The following MAGI1 variants were observed in gnomAD, a reference collection of about 807,000 sequenced individuals.
MAGI1 encodes membrane-associated guanylate kinase, WW and PDZ domain-containing protein 1.
A neutral mutation model predicts 139.9 loss-of-function variants in MAGI1; 58 were observed. That is an observed-to-expected ratio of 0.41 (90% CI 0.34 to 0.52). The LOEUF (loss-of-function observed/expected upper bound fraction) is 0.52, where lower values mean the gene tolerates loss of function less well. Among genes scored for constraint, MAGI1 ranks in the 20% least tolerant of loss-of-function variants. The pLI, the probability that MAGI1 is intolerant of heterozygous loss-of-function variation, is 0.12. For missense variants in MAGI1, 1,874 were observed against 1,901.6 expected (o/e 0.99, Z 0.27); for synonymous variants, 812 against 737.9 (o/e 1.10, Z -1.63).
intron 1 of MAGI1, among the ~76,000 whole-genome samples, chr3:65,707,584 G>A (rs573386265): frequency 2.0e-5 from 3 of 151,324 alleles, no homozygotes; most frequent in African/African-American, 7.3e-5. Flanking sequence ...CAGCTACTTG[G>A]GAGGCTGAGG....
chr3:66,009,533 T>A (rs1238330888), intron 1 of MAGI1, among the ~76,000 whole-genome samples: 1 of 151,786 alleles, frequency 6.6e-6, no homozygotes, highest in East Asian at 1.9e-4. Flanking sequence ...GTAAGGAATA[T>A]CTGAATTCAA....
intron 6 of MAGI1, among the ~76,000 whole-genome samples, chr3:65,449,417 T>C (rs371307417): frequency 8.5e-5 from 13 of 152,304 alleles, no homozygotes; most frequent in African/African-American, 2.9e-4. Flanking sequence ...TGTTCACTTC[T>C]TCAGTAGTTA....
chr3:65,759,172 G>A (rs978170885), intron 1 of MAGI1, among the ~76,000 whole-genome samples: 3 of 151,214 alleles, frequency 2.0e-5, no homozygotes, highest in African/African-American at 4.9e-5. Context: ...GCAAGGAATC[G>A]GATCAAGTCC....
chr3:66,017,322 A>C (rs907478950), intron 1 of MAGI1, among the ~76,000 whole-genome samples: 5 of 152,232 alleles, frequency 3.3e-5, no homozygotes, highest in Non-Finnish European at 4.4e-5. Flanking sequence ...TCCGCGCTGC[A>C]ATGAGCCAGG....
chr3:65,653,969 G>A (rs899937887), intron 1 of MAGI1, among the ~76,000 whole-genome samples: 3 of 152,086 alleles, frequency 2.0e-5, no homozygotes, highest in Non-Finnish European at 4.4e-5. Context: ...AAATATGCAA[G>A]GCAAATGAAC....
chr3:65,572,760 G>T (rs1385708015), intron 2 of MAGI1, among the ~76,000 whole-genome samples: 1 of 151,158 alleles, frequency 6.6e-6, no homozygotes, highest in Admixed American at 6.6e-5. Context: ...CATCTTAAAC[G>T]CAGAGAAATC....
intron 1 of MAGI1, among the ~76,000 whole-genome samples, chr3:65,645,806 T>C (rs1224028625): frequency 2.0e-5 from 3 of 152,056 alleles, no homozygotes; most frequent in Non-Finnish European, 2.9e-5. Context: ...CCATTCTACA[T>C]ATAGTTATTT....
At chr3:65,362,765 C>T (rs1941002993) in intron 21 of MAGI1, among the ~76,000 whole-genome samples, 1 of 152,214 alleles carries the variant, frequency 6.6e-6, no homozygotes, top group Non-Finnish European at 1.5e-5. Flanking sequence ...TTGTAAATGG[C>T]TCTCCATGGG....
At chr3:65,686,311 T>G (rs532183294) in intron 1 of MAGI1, among the ~76,000 whole-genome samples, 7 of 152,234 alleles carry the variant, frequency 4.6e-5, no homozygotes, top group African/African-American at 7.2e-5. Flanking sequence ...TTGTTTGTTT[T>G]TTTGGCAGAG....
chr3:65,607,686 T>C (rs1351646150), intron 2 of MAGI1, among the ~76,000 whole-genome samples: 1 of 152,222 alleles, frequency 6.6e-6, no homozygotes, highest in East Asian at 1.9e-4. Context: ...CCTATGTCTA[T>C]ATTTTATCTT....
intron 1 of MAGI1, among the ~76,000 whole-genome samples, chr3:65,631,428 G>C (rs774206445): frequency 1.3e-5 from 2 of 152,156 alleles, no homozygotes; most frequent in Admixed American, 1.3e-4. Flanking sequence ...TAAGGGCTAC[G>C]TAGTATTTTA....
chr3:66,024,652 C>T (rs573920073), intron 1 of MAGI1, among the ~76,000 whole-genome samples: 14 of 152,166 alleles, frequency 9.2e-5, no homozygotes, highest in South Asian at 4.2e-4. Context: ...AATAAAAATA[C>T]AAAATTAGCT....
At chr3:65,574,195 T>C (rs1238775829) in intron 2 of MAGI1, among the ~76,000 whole-genome samples, 1 of 151,494 alleles carries the variant, frequency 6.6e-6, no homozygotes, top group Non-Finnish European at 1.5e-5. Context: ...TTTTAACTTT[T>C]ATTTTAGGTT....
At chr3:65,505,148 A>G (rs2077231451) in intron 2 of MAGI1, among the ~76,000 whole-genome samples, 1 of 152,216 alleles carries the variant, frequency 6.6e-6, no homozygotes, top group Non-Finnish European at 1.5e-5. Context: ...GACTCTCTCC[A>G]TTATGGCAGG....
intron 3 of MAGI1, among the ~76,000 whole-genome samples, chr3:65,493,125 T>C (rs1952175858): frequency 6.7e-6 from 1 of 149,682 alleles, no homozygotes. Flanking sequence ...TAAAAATACA[T>C]TAAAAACCAA....
intron 1 of MAGI1, among the ~76,000 whole-genome samples, chr3:65,714,831 C>T (rs1366356506): frequency 6.6e-6 from 1 of 152,106 alleles, no homozygotes; most frequent in Non-Finnish European, 1.5e-5. Flanking sequence ...TTTAAATCAT[C>T]TGAAATTTCT....
At chr3:65,802,991 C>A (rs1439487942) in intron 1 of MAGI1, among the ~76,000 whole-genome samples, 4 of 152,006 alleles carry the variant, frequency 2.6e-5, no homozygotes, top group African/African-American at 9.7e-5. Context: ...AACCAACATG[C>A]AGATGAAGAG....
chr3:65,737,194 G>A (rs185209006), intron 1 of MAGI1, among the ~76,000 whole-genome samples: 10 of 152,138 alleles, frequency 6.6e-5, no homozygotes, highest in East Asian at 3.9e-4. Context: ...TAGTAGAGAC[G>A]GGGTTTCACC....
At chr3:65,964,977 C>A (rs906366658) in intron 1 of MAGI1, among the ~76,000 whole-genome samples, 4 of 152,196 alleles carry the variant, frequency 2.6e-5, no homozygotes, top group Non-Finnish European at 5.9e-5. Flanking sequence ...ACTGATGATG[C>A]CAAGGACTCT....
Sources: allele counts gnomAD v4.1 joint callset (sites outside exome capture counted in the v4.1 genomes callset), GRCh38; gene constraint gnomAD v4.1.1; transcripts MANE v1.5; gene names NCBI Gene and HGNC (gene_info 2026-07-23, HGNC 2026-07-21).